The following RPL27 variants were observed in gnomAD, a reference collection of about 807,000 sequenced individuals.
RPL27 encodes large ribosomal subunit protein eL27.
For missense variants in RPL27, 131 were observed against 174.3 expected (o/e 0.75, Z 1.40); for synonymous variants, 77 against 61.0 (o/e 1.26, Z -1.22).
chr17:42,998,771 T>C lies in RPL27; in HGVS notation c.21T>C (p.Pro7=). The change falls in exon 2 of 5, where the codon CCT becomes CCC. Residue 7 remains proline, a synonymous_variant. Coordinates refer to ENST00000253788, the MANE Select transcript of RPL27 (RefSeq NM_000988.5). Reference sequence around the variant, plus strand: ...CAGAAATGGGCAAGTTCATGAAACCTGGGAAGGTGGTGCTTGTCCTGGCTG... The same window carrying C: ...CAGAAATGGGCAAGTTCATGAAACCCGGGAAGGTGGTGCTTGTCCTGGCTG... MGKFMK[P]GKVVLVLAGR... 6.2e-7 allele frequency: 1 copy of C among 1,613,954 alleles called. No homozygotes were observed. The highest frequency in any genetic ancestry group is 8.5e-7 in the Non-Finnish European group (1 of 1,179,892).
chr17:43,001,088 A>C (rs1362574983), intron 3 of RPL27, among the ~76,000 whole-genome samples: 1 of 152,140 alleles, frequency 6.6e-6, no homozygotes, highest in Non-Finnish European at 1.5e-5. Flanking sequence ...TCACGCCTAC[A>C]ATCCCAGCAC....
At chr17:42,998,575 G>A (rs2050324467) in intron 1 of RPL27, 104 bp downstream of exon 1, 1 of 515,762 alleles carries the variant, frequency 1.9e-6, no homozygotes, top group Non-Finnish European at 3.5e-6. Context: ...GGTCTCTGGC[G>A]GCTACGTATC....
intron 3 of RPL27, among the ~76,000 whole-genome samples, chr17:43,002,226 C>T (rs1437172201): frequency 6.6e-6 from 1 of 151,698 alleles, no homozygotes; most frequent in Non-Finnish European, 1.5e-5. Flanking sequence ...AATTTTCAGG[C>T]CGGATGCGGT....
rs558736085 is a variant in RPL27 at position 43,000,364 on chromosome 17, A to G, written c.251+262A>G. Among the ~76,000 whole-genome samples, 7 of 152,306 alleles carry G rather than the reference A, an allele frequency of 4.6e-5. No homozygotes were observed. In the South Asian group the frequency reaches 1.4e-3, roughly 32 times the overall value. On this transcript the variant is annotated intron_variant, in intron 3 of 4. Transcript: ENST00000253788. ...CTGTTCCACCCTCAAGGATAAATAC[A>G]ATAGGTTTCAAAAAGTCTGTGAGTG...
chr17:43,002,802 T>A lies in RPL27; in HGVS notation c.362+19T>A, dbSNP rs377361578. 2.7e-5 allele frequency: 44 copies of A among 1,603,504 alleles called. No individual in the cohort carries two copies. In the African/African-American group the frequency reaches 4.3e-4, roughly 16 times the overall value. On this transcript the variant is annotated intron_variant, in intron 4 of 4. Transcript: ENST00000253788. The stretch of plus-strand genomic sequence containing the variant: ...AAGAGAGGTAAGTAGGCTTTGGTAG[T>A]GAATGGTGGAGTATGGTTTCACTAT...
rs1255247844 is a variant in RPL27, at chr17:42,998,445, GC to G, written c.-28del. 16 of 153,066 alleles carry G rather than the reference GC, an allele frequency of 1.0e-4. No individual in the cohort carries two copies. Among genetic ancestry groups the G allele is most frequent in the East Asian group, 5.9e-4 (3 of 5,070 alleles). The allele number at this position is 153,066 out of a possible 1,614,324, so 9.5% of individuals were successfully genotyped here. A position where few individuals can be genotyped will look rare whatever the true frequency, so the allele number is the denominator to read the frequency against. ...GCGGAAGTGTCCTTCTTTCCTTTTT[GC>G]TGGTAGGGCCGGGTGGTTGCTGCCG... On this transcript the variant is annotated 5_prime_UTR_variant, in exon 1 of 5. Coordinates refer to ENST00000253788, the MANE Select transcript of RPL27 (RefSeq NM_000988.5).
intron 3 of RPL27, 81 bp downstream of exon 3, chr17:43,000,183 C>T (rs2050344740): frequency 1.9e-6 from 2 of 1,071,152 alleles, no homozygotes; most frequent in East Asian, 2.5e-5. Flanking sequence ...GCCATTCCAA[C>T]ACCAGGAAGG....
rs756752985 is a variant in RPL27 at position 42,999,979 on chromosome 17, T to C, written c.128T>C (p.Val43Ala). ...GATCGCCCCTACAGCCATGCTCTGG[T>C]GGCTGGAATTGACCGCTACCCCCGC... ...TSDRPYSHAL[V>A]AGIDRYPRKV... The change falls in exon 3 of 5, where the codon GTG becomes GCG. Residue 43 changes from valine to alanine, a missense_variant. Transcript: ENST00000253788. The C allele has an allele frequency of 1.2e-6, 2 of 1,612,242 alleles. No individual in the cohort carries two copies. The highest frequency in any genetic ancestry group is 2.2e-5 in the East Asian group (1 of 44,890).
chr17:43,000,484 TTG>T lies in RPL27; in HGVS notation c.251+384_251+385del, dbSNP rs1416730293. ...TCTTAGTACAGTGTTTTGTTTTGTT[TTG>T]TTTTTTTTTGAGACGGAGTCGCCCA... On this transcript the variant is annotated intron_variant, in intron 3 of 4. Transcript: ENST00000253788. Among the ~76,000 whole-genome samples the T allele has an allele frequency of 5.2e-5, 7 of 133,782 alleles. 1 individual carries two copies. The highest frequency in any genetic ancestry group is 4.2e-4 in the East Asian group (2 of 4,766). 87.8% of individuals were successfully genotyped at this position (133,782 alleles called of 152,430 possible). A position where few individuals can be genotyped will look rare whatever the true frequency, so the allele number is the denominator to read the frequency against.
rs2151964508 is a variant in RPL27 at position 42,998,809 on chromosome 17, G to A, written c.59G>A (p.Gly20Glu). 6.2e-7 allele frequency: 1 copy of A among 1,614,018 alleles called. No individual in the cohort carries two copies. Among genetic ancestry groups the A allele is most frequent in the Middle Eastern group, 1.6e-4 (1 of 6,062 alleles). Residue 20 changes from glycine (G) to glutamate (E), a missense_variant, in exon 2 of 5, where the codon GGA becomes GAA. Gly to Glu is a moderately conservative substitution (Grantham distance 98). Transcript: ENST00000253788. ...VVLVLAGRYS[G>E]RKAVIVKNID... The stretch of plus-strand genomic sequence containing the variant: ...CTTGTCCTGGCTGGACGCTACTCCG[G>A]ACGCAAAGCTGTCATCGTGAAGGTA...
At chr17:43,000,355 G>A (rs1485027378) in intron 3 of RPL27, among the ~76,000 whole-genome samples, 1 of 152,114 alleles carries the variant, frequency 6.6e-6, no homozygotes, top group African/African-American at 2.4e-5. Flanking sequence ...CACCCTCAAG[G>A]ATAAATACAA....
chr17:43,000,491 T>G (rs1004853479), intron 3 of RPL27, among the ~76,000 whole-genome samples: 16 of 147,204 alleles, frequency 1.1e-4, no homozygotes, highest in African/African-American at 4.1e-4. Flanking sequence ...GTTTTGTTTT[T>G]TTTTGAGACG....
chr17:43,000,881 C>A (rs2050354260), intron 3 of RPL27, among the ~76,000 whole-genome samples: 1 of 148,032 alleles, frequency 6.8e-6, no homozygotes, highest in Non-Finnish European at 1.5e-5. Flanking sequence ...ATGGTGAAAC[C>A]CTGTCTCTAC....
At chr17:43,000,794 C>T (rs982745626) in intron 3 of RPL27, among the ~76,000 whole-genome samples, 5 of 151,180 alleles carry the variant, frequency 3.3e-5, no homozygotes, top group Non-Finnish European at 7.4e-5. Flanking sequence ...ATGGCTCACG[C>T]CTGTAATCCC....
At chr17:43,001,828 A>G (rs968649305) in intron 3 of RPL27, among the ~76,000 whole-genome samples, 19 of 151,888 alleles carry the variant, frequency 1.3e-4, no homozygotes, top group Middle Eastern at 3.4e-3. Context: ...ACAGTGGCTC[A>G]GGCTTGTAAT....
At chr17:42,999,468 C>T (rs1434384710) in intron 2 of RPL27, 1 of 156,640 alleles carries the variant, frequency 6.4e-6, no homozygotes, top group Non-Finnish European at 1.4e-5. Context: ...TTTGTAGCTT[C>T]TTGAGAGAGT....
At chr17:43,000,971 C>T (rs1003128072) in intron 3 of RPL27, among the ~76,000 whole-genome samples, 1 of 151,548 alleles carries the variant, frequency 6.6e-6, no homozygotes, top group Non-Finnish European at 1.5e-5. Flanking sequence ...ATCGCTTGAA[C>T]CCGGGAGGTG....
At chr17:42,999,793 A>C in intron 2 of RPL27, 140 bp from the exon 3 acceptor site, 1 of 638,470 alleles carries the variant, frequency 1.6e-6, no homozygotes, top group East Asian at 2.7e-5. Context: ...CATTTCTCAT[A>C]GCTTTCTGTG....
At chr17:42,998,680 C>CAGGAGTCAG in intron 1 of RPL27, 69 bp from the exon 2 acceptor site, 1 of 1,234,368 alleles carries the variant, frequency 8.1e-7, no homozygotes, top group South Asian at 1.2e-5. Context: ...GGCTTGCTGG[C>CAGGAGTCAG]AGGAGTCAGC....
Sources: gnomAD v4.1 joint callset for allele counts (sites outside exome capture counted in the v4.1 genomes callset) on GRCh38, gnomAD v4.1.1 for gene constraint, MANE v1.5 for transcripts, NCBI Gene and HGNC (gene_info 2026-07-23, HGNC 2026-07-21) for gene names.